Variants in STARD3NL observed in about 807,000 individuals in gnomAD.
STARD3NL encodes the protein STARD3 N-terminal like.
Under a neutral mutation model 30.9 loss-of-function variants are expected in STARD3NL, and 17 were observed. The observed-to-expected ratio is 0.55, with a 90% CI of 0.38 to 0.82. STARD3NL has a LOEUF of 0.82. Among genes scored for constraint, STARD3NL ranks in the 40% least tolerant of loss-of-function variants. The pLI, the probability that STARD3NL is intolerant of heterozygous loss-of-function variation, is 0.00. For synonymous variants in STARD3NL, 112 were observed against 100.5 expected (o/e 1.11, Z -0.69); for missense variants, 234 against 277.6 (o/e 0.84, Z 1.12).
chr7:38,207,804 T>C (rs1785577926), intron 2 of STARD3NL, 75 bp downstream of exon 2: 2 of 1,351,820 alleles, frequency 1.5e-6, no homozygotes, highest in Non-Finnish European at 2.1e-6. Context: ...TCGTTTCTCT[T>C]ATCATTTGTT....
chr7:38,224,880 CT>C (rs1338405317), intron 7 of STARD3NL, among the ~76,000 whole-genome samples: 1 of 152,052 alleles, frequency 6.6e-6, no homozygotes, highest in Non-Finnish European at 1.5e-5. Flanking sequence ...TTATGGCAAA[CT>C]TTTTCATAGG....
At chr7:38,224,302 A>T (rs1786631344) in intron 7 of STARD3NL, among the ~76,000 whole-genome samples, 1 of 152,144 alleles carries the variant, frequency 6.6e-6, no homozygotes, top group Admixed American at 6.6e-5. Context: ...TATTTTTGTA[A>T]TTCTTGAACA....
chr7:38,193,022 C>T (rs1784753229), intron 1 of STARD3NL, among the ~76,000 whole-genome samples: 1 of 152,084 alleles, frequency 6.6e-6, no homozygotes, highest in Non-Finnish European at 1.5e-5. Flanking sequence ...CTCTGTGTCT[C>T]TTTCAGAATA....
At chr7:38,179,348 A>G (rs561913835) in intron 1 of STARD3NL, among the ~76,000 whole-genome samples, 17 of 152,366 alleles carry the variant, frequency 1.1e-4, no homozygotes, top group Middle Eastern at 6.8e-3. Flanking sequence ...TGGATTATTC[A>G]TGTTCATAAA....
intron 1 of STARD3NL, among the ~76,000 whole-genome samples, chr7:38,181,560 TTCTG>T (rs1279697548): frequency 2.0e-5 from 3 of 152,216 alleles, no homozygotes; most frequent in Non-Finnish European, 4.4e-5. Context: ...TTAATTTACT[TTCTG>T]TATGTCTTTT....
At chr7:38,187,795 C>G (rs1784522304) in intron 1 of STARD3NL, among the ~76,000 whole-genome samples, 1 of 152,168 alleles carries the variant, frequency 6.6e-6, no homozygotes, top group Non-Finnish European at 1.5e-5. Context: ...TATGTCTAAA[C>G]TGAACTGGTA....
intron 2 of STARD3NL, among the ~76,000 whole-genome samples, chr7:38,211,198 C>T (rs1038167282): frequency 2.0e-5 from 3 of 152,202 alleles, no homozygotes; most frequent in Non-Finnish European, 2.9e-5. Flanking sequence ...TCTATTACCT[C>T]ATTCCTACTA....
intron 7 of STARD3NL, among the ~76,000 whole-genome samples, chr7:38,224,157 A>G (rs1786623353): frequency 6.6e-6 from 1 of 151,764 alleles, no homozygotes; most frequent in African/African-American, 2.4e-5. Context: ...GTGGCTGGGT[A>G]TTATTCCATT....
At chr7:38,182,847 T>A (rs551281789) in intron 1 of STARD3NL, among the ~76,000 whole-genome samples, 1 of 152,334 alleles carries the variant, frequency 6.6e-6, no homozygotes, top group East Asian at 1.9e-4. Flanking sequence ...AATAGTATTG[T>A]GAGACTAGCG....
chr7:38,189,201 AAG>A (rs1171079689), intron 1 of STARD3NL, among the ~76,000 whole-genome samples: 1 of 152,174 alleles, frequency 6.6e-6, no homozygotes, highest in African/African-American at 2.4e-5. Context: ...GATGGAATGA[AAG>A]CATTAATTAC....
At chr7:38,209,752 G>A (rs1280315228) in intron 2 of STARD3NL, among the ~76,000 whole-genome samples, 1 of 152,126 alleles carries the variant, frequency 6.6e-6, no homozygotes, top group Non-Finnish European at 1.5e-5. Flanking sequence ...GGGTTCATGG[G>A]ATCACACTTC....
chr7:38,191,734 A>G (rs1003688523), intron 1 of STARD3NL, among the ~76,000 whole-genome samples: 5 of 152,056 alleles, frequency 3.3e-5, no homozygotes, highest in African/African-American at 9.7e-5. Context: ...ATTATGTTCT[A>G]TTGACCTATT....
At chr7:38,215,483 T>C in intron 4 of STARD3NL, 1 of 211,702 alleles carries the variant, frequency 4.7e-6, no homozygotes, top group Non-Finnish European at 9.4e-6. Context: ...CATGACATGG[T>C]CTGTACTTAT....
At chr7:38,203,818 G>A (rs1340700780) in intron 1 of STARD3NL, among the ~76,000 whole-genome samples, 5 of 152,068 alleles carry the variant, frequency 3.3e-5, no homozygotes, top group East Asian at 3.9e-4. Flanking sequence ...AAAAAGGCAG[G>A]GGTTGCAATC....
intron 1 of STARD3NL, among the ~76,000 whole-genome samples, chr7:38,196,407 A>T (rs1288791723): frequency 7.2e-5 from 11 of 151,958 alleles, no homozygotes; most frequent in Non-Finnish European, 1.6e-4. Flanking sequence ...TTCTTTGAGG[A>T]TATAGCACAT....
chr7:38,185,367 C>T (rs1467334481), intron 1 of STARD3NL, among the ~76,000 whole-genome samples: 1 of 152,172 alleles, frequency 6.6e-6, no homozygotes, highest in East Asian at 1.9e-4. Context: ...GACCTATGTG[C>T]TGTTCTTGTA....
intron 1 of STARD3NL, among the ~76,000 whole-genome samples, chr7:38,205,591 T>A (rs1347770926): frequency 2.0e-5 from 3 of 151,926 alleles, no homozygotes; most frequent in East Asian, 3.8e-4. Flanking sequence ...CTATTATAGA[T>A]ACCTTATGAT....
At chr7:38,224,780 A>G (rs1786660041) in intron 7 of STARD3NL, among the ~76,000 whole-genome samples, 1 of 152,238 alleles carries the variant, frequency 6.6e-6, no homozygotes, top group Non-Finnish European at 1.5e-5. Context: ...AAGAGAAACC[A>G]TAAAGTGCTT....
intron 1 of STARD3NL, among the ~76,000 whole-genome samples, chr7:38,182,690 T>C (rs1439396337): frequency 6.6e-6 from 1 of 152,216 alleles, no homozygotes; most frequent in African/African-American, 2.4e-5. Flanking sequence ...GAATCAAGAT[T>C]AAAGCTTTAA....
Sources: gnomAD v4.1 joint callset for allele counts (sites outside exome capture counted in the v4.1 genomes callset) on GRCh38, gnomAD v4.1.1 for gene constraint, MANE v1.5 for transcripts, NCBI Gene and HGNC (gene_info 2026-07-23, HGNC 2026-07-21) for gene names.